Variants in BMPR1B observed in about 807,000 individuals in gnomAD.
The protein encoded by BMPR1B is bone morphogenetic protein receptor type-1B.
In BMPR1B, 12 loss-of-function variants were observed where a neutral mutation model predicts 59.1. The ratio of observed to expected loss-of-function variants is 0.20; its 90% CI spans 0.13 to 0.33. The LOEUF (loss-of-function observed/expected upper bound fraction) is 0.33. BMPR1B is among the 10% of genes least tolerant of loss of function. The pLI, the probability that BMPR1B is intolerant of heterozygous loss-of-function variation, is 1.00. For missense variants in BMPR1B, 550 were observed against 610.9 expected, an observed-to-expected ratio of 0.90 and a Z score of 1.05; for synonymous variants, 237 against 207.3, an observed-to-expected ratio of 1.14 and a Z score of -1.23.
At position 95,148,862 on chromosome 4, in the gene BMPR1B, G is replaced by T; in HGVS notation, c.1191G>T (p.Met397Ile). 6.2e-7 allele frequency: 1 copy of T among 1,614,050 alleles called. No homozygotes were observed. The highest frequency in any genetic ancestry group is 8.5e-7 in the Non-Finnish European group (1 of 1,179,948). The stretch of plus-strand genomic sequence containing the variant: ...GAAATCACTTCCAGTCTTACATCAT[G>T]GCTGACATGTATAGTTTTGGCCTCA... Reference protein sequence around the residue: ...LNRNHFQSYIMADMYSFGLIL... With the variant: ...LNRNHFQSYIIADMYSFGLIL... The change falls in exon 11 of 13, where the codon ATG becomes ATT. Residue 397 changes from methionine to isoleucine, a missense_variant. Met to Ile is a conservative substitution (Grantham distance 10, BLOSUM62 1). This residue lies in a region of BMPR1B where 123 missense variants were observed against 164.6 expected (regional missense o/e 0.75). Coordinates refer to ENST00000515059, the MANE Select transcript of BMPR1B (RefSeq NM_001203.3).
intron 8 of BMPR1B, 55 bp downstream of exon 8, chr4:95,125,176 A>G (rs1732819404): frequency 6.2e-7 from 1 of 1,603,300 alleles, no homozygotes; most frequent in African/African-American, 1.3e-5. Context: ...AAGAACTGTC[A>G]ATGAATATGG....
chr4:95,110,304 C>A (rs3796433), intron 4 of BMPR1B, among the ~76,000 whole-genome samples: 26,348 of 151,806 alleles, frequency 0.17, 3,186 homozygotes, highest in African/African-American at 0.33. Context: ...AATGTAAAAA[C>A]TGAGACAATT....
At chr4:95,111,451 A>G (rs1445462046) in intron 4 of BMPR1B, among the ~76,000 whole-genome samples, 3 of 152,222 alleles carry the variant, frequency 2.0e-5, no homozygotes, top group Admixed American at 2.0e-4. Flanking sequence ...TGAAATAAAG[A>G]TGCTATCAGT....
At chr4:94,893,562 C>T (rs1448413308) in intron 2 of BMPR1B, among the ~76,000 whole-genome samples, 1 of 151,914 alleles carries the variant, frequency 6.6e-6, no homozygotes, top group Non-Finnish European at 1.5e-5. Flanking sequence ...TAAAGACTGG[C>T]TGGTTCTTTC....
At chr4:95,025,683 A>G (rs1164375615) in intron 3 of BMPR1B, among the ~76,000 whole-genome samples, 1 of 152,146 alleles carries the variant, frequency 6.6e-6, no homozygotes, top group Non-Finnish European at 1.5e-5. Flanking sequence ...AGTGGGACAA[A>G]TTTTGGAGTT....
chr4:94,790,021 T>TA (rs1302050731), intron 1 of BMPR1B, among the ~76,000 whole-genome samples: 2 of 152,212 alleles, frequency 1.3e-5, no homozygotes, highest in African/African-American at 4.8e-5. Context: ...TTCTCTTCCT[T>TA]ACGATTTTCT....
chr4:95,096,860 A>G (rs1730440218), intron 3 of BMPR1B, among the ~76,000 whole-genome samples: 1 of 142,102 alleles, frequency 7.0e-6, no homozygotes, highest in Non-Finnish European at 1.5e-5. Flanking sequence ...ATATAAATAT[A>G]TAACTATAGT....
intron 2 of BMPR1B, among the ~76,000 whole-genome samples, chr4:94,990,731 A>T (rs1021483144): frequency 2.0e-5 from 3 of 152,094 alleles, no homozygotes; most frequent in Non-Finnish European, 4.4e-5. Flanking sequence ...TTTAGGGTAC[A>T]TGTGCACAGC....
intron 3 of BMPR1B, among the ~76,000 whole-genome samples, chr4:95,049,107 A>G (rs973376730): frequency 2.0e-5 from 3 of 152,078 alleles, no homozygotes; most frequent in Non-Finnish European, 4.4e-5. Flanking sequence ...TTCATCCTAC[A>G]TGCTGAAGTC....
intron 4 of BMPR1B, among the ~76,000 whole-genome samples, chr4:95,105,410 G>A (rs982039537): frequency 1.3e-4 from 20 of 151,968 alleles, no homozygotes; most frequent in African/African-American, 3.6e-4. Flanking sequence ...TAGAGCCCAG[G>A]TAGAATATCT....
intron 1 of BMPR1B, among the ~76,000 whole-genome samples, chr4:94,789,009 C>G (rs1722861178): frequency 6.6e-6 from 1 of 152,182 alleles, no homozygotes. Flanking sequence ...CTATCACTTG[C>G]ACTGGGACAG....
intron 3 of BMPR1B, among the ~76,000 whole-genome samples, chr4:95,028,920 TTAAAAG>T (rs1376101182): frequency 6.6e-6 from 1 of 152,024 alleles, no homozygotes; most frequent in Non-Finnish European, 1.5e-5. Context: ...AGGAAGAAAT[TTAAAAG>T]TAAAATGGAA....
chr4:95,079,208 A>G (rs1165883311), intron 3 of BMPR1B, among the ~76,000 whole-genome samples: 2 of 152,212 alleles, frequency 1.3e-5, no homozygotes, highest in Admixed American at 1.3e-4. Flanking sequence ...CACACAATTG[A>G]GATAGGACAG....
intron 1 of BMPR1B, among the ~76,000 whole-genome samples, chr4:94,758,422 G>A (rs1040173180): frequency 2.4e-4 from 36 of 152,070 alleles, no homozygotes; most frequent in Non-Finnish European, 8.8e-5. Context: ...GCTTCGGGCT[G>A]TAGGGACGCC....
chr4:95,153,799 A>G (rs1735225009), intron 12 of BMPR1B, among the ~76,000 whole-genome samples: 1 of 152,220 alleles, frequency 6.6e-6, no homozygotes, highest in Admixed American at 6.5e-5. Context: ...GCAATGAGCC[A>G]GGATCATGAC....
chr4:94,975,564 T>TTTCACCATGTTGCCA (rs1317621380), intron 2 of BMPR1B, among the ~76,000 whole-genome samples: 1 of 151,490 alleles, frequency 6.6e-6, no homozygotes, highest in Non-Finnish European at 1.5e-5. Flanking sequence ...AGAGGTGGGA[T>TTTCACCATGTTGCCA]TTCACCATGT....
chr4:94,924,127 C>T (rs113530894), intron 2 of BMPR1B, among the ~76,000 whole-genome samples: 147 of 152,140 alleles, frequency 9.7e-4, no homozygotes, highest in African/African-American at 3.1e-3. Context: ...CTGTATTACC[C>T]GTATATGGCA....
intron 2 of BMPR1B, among the ~76,000 whole-genome samples, chr4:94,900,068 G>A (rs1248966016): frequency 6.6e-6 from 1 of 151,982 alleles, no homozygotes; most frequent in Non-Finnish European, 1.5e-5. Context: ...TAACCTGCCA[G>A]TTCTAATCCT....
intron 1 of BMPR1B, among the ~76,000 whole-genome samples, chr4:94,863,462 C>A (rs1226980858): frequency 1.3e-5 from 2 of 152,188 alleles, no homozygotes; most frequent in African/African-American, 4.8e-5. Context: ...GAACACTGCT[C>A]TTGCCAACAG....
Sources: gnomAD v4.1 joint callset for allele counts (sites outside exome capture counted in the v4.1 genomes callset) on GRCh38, gnomAD v4.1.1 for gene constraint, gnomAD v4.1.1 regional missense constraint, MANE v1.5 for transcripts, NCBI Gene and HGNC (gene_info 2026-07-23, HGNC 2026-07-21) for gene names.